IQGAP2: variants seen among roughly 807,000 people sequenced by gnomAD.
The protein encoded by IQGAP2 is IQ motif containing GTPase activating protein 2, also known as ras GTPase-activating-like protein IQGAP2.
Under a neutral mutation model 201.3 loss-of-function variants are expected in IQGAP2, and 173 were observed. That is an observed-to-expected ratio of 0.86 (90% CI 0.76 to 0.98). The LOEUF (loss-of-function observed/expected upper bound fraction) is 0.98. Among genes scored for constraint, IQGAP2 ranks in the 50% least tolerant of loss-of-function variants. The pLI is 0.00. For synonymous variants in IQGAP2, 675 were observed against 673.9 expected, an observed-to-expected ratio of 1.00 and a Z score of -0.03; for missense variants, 1,687 against 1,864.8, an observed-to-expected ratio of 0.90 and a Z score of 1.76.
intron 2 of IQGAP2, among the ~76,000 whole-genome samples, chr5:76,504,000 C>G (rs534779739): frequency 1.1e-3 from 174 of 152,332 alleles, no homozygotes; most frequent in African/African-American, 4.0e-3. Context: ...TTGTGTCTCA[C>G]AAGACTTGAC....
chr5:76,532,397 GA>G (rs947442072), intron 2 of IQGAP2, among the ~76,000 whole-genome samples: 18 of 132,228 alleles, frequency 1.4e-4, no homozygotes, highest in African/African-American at 5.2e-4. Flanking sequence ...AGATTATAAT[GA>G]AAATTGCTTT....
intron 1 of IQGAP2, among the ~76,000 whole-genome samples, chr5:76,459,418 C>T (rs1754300561): frequency 1.3e-5 from 2 of 152,196 alleles, no homozygotes; most frequent in East Asian, 3.9e-4. Flanking sequence ...TGGGCTCCCA[C>T]TAGGAGTTTT....
At chr5:76,503,002 T>A (rs891141913) in intron 2 of IQGAP2, among the ~76,000 whole-genome samples, 6 of 151,840 alleles carry the variant, frequency 4.0e-5, no homozygotes, top group Non-Finnish European at 5.9e-5. Flanking sequence ...TGCTTCAGCC[T>A]CCCAAAGTGC....
At chr5:76,502,949 T>G (rs1340911562) in intron 2 of IQGAP2, among the ~76,000 whole-genome samples, 1 of 151,624 alleles carries the variant, frequency 6.6e-6, no homozygotes, top group Non-Finnish European at 1.5e-5. Context: ...CTCTTTATGT[T>G]GCCCAGGCTA....
At chr5:76,439,991 A>C (rs1266936046) in intron 1 of IQGAP2, among the ~76,000 whole-genome samples, 4 of 152,070 alleles carry the variant, frequency 2.6e-5, no homozygotes, top group African/African-American at 9.7e-5. Flanking sequence ...CTGCATATTG[A>C]ATTTTTGTTT....
At chr5:76,519,262 T>C (rs945995438) in intron 2 of IQGAP2, among the ~76,000 whole-genome samples, 3 of 152,202 alleles carry the variant, frequency 2.0e-5, no homozygotes, top group African/African-American at 7.2e-5. Flanking sequence ...CAACTACTGA[T>C]CTATGGTTTT....
At position 76,496,761 on chromosome 5, in the gene IQGAP2, C is replaced by CTTTCTTTTCT. The variant is rs1561416549; in HGVS notation, c.146+35099_146+35100insTCTTTTCTTT. Reference sequence around the variant, plus strand: ...TCTTTCTTTCTTTCTTTCTTTCTTTCTTTCTTTCTTTCTTTCTTTCTTTCT... The same window carrying CTTTCTTTTCT: ...TCTTTCTTTCTTTCTTTCTTTCTTTCTTTCTTTTCTTTTCTTTCTTTCTTTCTTTCTTTCT... On this transcript the variant is annotated intron_variant, in intron 2 of 35. Transcript: ENST00000274364. Among the ~76,000 whole-genome samples, 12 of 89,048 alleles carry CTTTCTTTTCT rather than the reference C, an allele frequency of 1.3e-4. 2 individuals carry two copies. The highest frequency in any genetic ancestry group is 5.3e-4 in the African/African-American group (9 of 16,942). The allele number at this position is 89,048 out of a possible 152,430, so 58.4% of individuals were successfully genotyped here. A position where few individuals can be genotyped will look rare whatever the true frequency, so the allele number is the denominator to read the frequency against.
intron 2 of IQGAP2, among the ~76,000 whole-genome samples, chr5:76,525,115 A>AT (rs1758895899): frequency 6.6e-6 from 1 of 152,132 alleles, no homozygotes; most frequent in African/African-American, 2.4e-5. Context: ...GTGTCTTGGC[A>AT]TTTTCAAATA....
intron 13 of IQGAP2, among the ~76,000 whole-genome samples, chr5:76,615,202 T>C (rs1748827355): frequency 1.3e-5 from 2 of 152,380 alleles, no homozygotes; most frequent in South Asian, 4.1e-4. Context: ...GTTTTGCTCC[T>C]TGTATATACC....
chr5:76,421,240 T>C (rs1751715856), intron 1 of IQGAP2, among the ~76,000 whole-genome samples: 1 of 152,152 alleles, frequency 6.6e-6, no homozygotes, highest in Non-Finnish European at 1.5e-5. Context: ...GCCTTTAGGC[T>C]CCTGTTTGGA....
At chr5:76,594,167 T>C (rs1045986789) in intron 9 of IQGAP2, among the ~76,000 whole-genome samples, 25 of 152,246 alleles carry the variant, frequency 1.6e-4, no homozygotes, top group African/African-American at 5.8e-4. Context: ...TTAAAGTTTG[T>C]CTTTTTGCTC....
rs115952954 is a variant in IQGAP2 at position 76,541,864 on chromosome 5, T to C, written c.147-20532T>C. 1.1e-3 allele frequency among the ~76,000 whole-genome samples: 165 copies of C among 152,344 alleles called. 2 individuals carry two copies. Among genetic ancestry groups the C allele is most frequent in the African/African-American group, 3.9e-3 (162 of 41,574 alleles). On this transcript the variant is annotated intron_variant, in intron 2 of 35. Coordinates refer to ENST00000274364, the MANE Select transcript of IQGAP2 (RefSeq NM_006633.5). ...GCAGCTTTCCCCCGCTATAAACTCA[T>C]AGCCAACCTTCACTTATATGAGAAC...
At chr5:76,696,621 C>T (rs1469457937) in intron 32 of IQGAP2, among the ~76,000 whole-genome samples, 4 of 151,852 alleles carry the variant, frequency 2.6e-5, no homozygotes, top group Non-Finnish European at 4.4e-5. Context: ...AAGGGAAATG[C>T]GCTCAGCTTT....
At chr5:76,645,269 T>A (rs1377452584) in intron 17 of IQGAP2, among the ~76,000 whole-genome samples, 1 of 152,148 alleles carries the variant, frequency 6.6e-6, no homozygotes, top group Admixed American at 6.5e-5. Context: ...TTTGAGTTGG[T>A]TCCAATCCTT....
At chr5:76,496,447 C>CA (rs1008662125) in intron 2 of IQGAP2, among the ~76,000 whole-genome samples, 3 of 152,160 alleles carry the variant, frequency 2.0e-5, no homozygotes, top group African/African-American at 7.2e-5. Flanking sequence ...AGACAAAGCA[C>CA]AAGTCTGCCA....
chr5:76,550,694 A>C (rs866777159), intron 2 of IQGAP2, among the ~76,000 whole-genome samples: 4 of 152,218 alleles, frequency 2.6e-5, no homozygotes, highest in Admixed American at 6.5e-5. Flanking sequence ...CAACAGGATC[A>C]CAAGGCAGAA....
intron 2 of IQGAP2, among the ~76,000 whole-genome samples, chr5:76,512,486 T>C (rs1259073932): frequency 6.6e-6 from 1 of 152,208 alleles, no homozygotes; most frequent in African/African-American, 2.4e-5. Context: ...TCTCTATTGG[T>C]GATCTTTAAG....
At chr5:76,537,582 A>G (rs1312013356) in intron 2 of IQGAP2, among the ~76,000 whole-genome samples, 1 of 151,828 alleles carries the variant, frequency 6.6e-6, no homozygotes, top group East Asian at 1.9e-4. Context: ...ATTCGGGAAG[A>G]GGGTGGAAAT....
chr5:76,599,094 T>C (rs115061556), intron 10 of IQGAP2, among the ~76,000 whole-genome samples: 1 of 152,272 alleles, frequency 6.6e-6, no homozygotes, highest in African/African-American at 2.4e-5. Context: ...CTAAGACTTC[T>C]GTATTGGCTG....
Sources: allele counts gnomAD v4.1 joint callset (sites outside exome capture counted in the v4.1 genomes callset), GRCh38; gene constraint gnomAD v4.1.1; transcripts MANE v1.5; gene names NCBI Gene and HGNC (gene_info 2026-07-23, HGNC 2026-07-21).